The following RHEX variants were observed in gnomAD, a reference collection of about 807,000 sequenced individuals.
RHEX encodes regulator of hemoglobinization and erythroid cell expansion protein.
A neutral mutation model predicts 20.1 loss-of-function variants in RHEX; 18 were observed. The ratio of observed to expected loss-of-function variants is 0.90; its 90% CI spans 0.62 to 1.33. RHEX has a LOEUF of 1.33. RHEX is among the 40% of genes most tolerant of loss of function. The pLI is 0.00. For synonymous variants in RHEX, 87 were observed against 77.1 expected (o/e 1.13, Z -0.67); for missense variants, 192 against 214.3 (o/e 0.90, Z 0.65).
At position 206,067,130 on chromosome 1, in the gene RHEX, T is replaced by C. The variant is rs1231436168; in HGVS notation, c.-97+13865T>C. On this transcript the variant is annotated intron_variant, in intron 1 of 5. Transcript: ENST00000331555. This position sits in a 1 kb window ranked among gnomAD's most constrained non-coding sequence, Gnocchi z 4.6. ...TGGTTTCTGTTTATCTCTTAGAAAGTCTGGTAATAACACAAAGAGGGGGTA... is the reference window on the plus strand; with the variant it reads ...TGGTTTCTGTTTATCTCTTAGAAAGCCTGGTAATAACACAAAGAGGGGGTA... Among the ~76,000 whole-genome samples, 3 of 152,324 alleles carry C rather than the reference T, an allele frequency of 2.0e-5. No homozygotes were observed. In the East Asian group the frequency reaches 5.8e-4, roughly 29 times the overall value.
In RHEX at chr1:206,063,646, G is replaced by C. The variant is rs537662575; in HGVS notation, c.-97+10381G>C. Among the ~76,000 whole-genome samples, 5 of 152,364 alleles carry C rather than the reference G, an allele frequency of 3.3e-5. No individual in the cohort carries two copies. The East Asian group carries it at 9.6e-4, about 29-fold the overall frequency. On this transcript the variant is annotated intron_variant, in intron 1 of 5. Transcript: ENST00000331555. The stretch of plus-strand genomic sequence containing the variant: ...TAACCGTGAGTCATCCGCCAGCCTC[G>C]GCCTCCCGAGGTGCCGGGATTGCAG...
intron 1 of RHEX, among the ~76,000 whole-genome samples, chr1:206,072,420 A>G (rs28496237): frequency 0.038 from 5,836 of 152,094 alleles, 386 homozygotes; most frequent in African/African-American, 0.13. Context: ...CTAAAAATAC[A>G]AAAAAATTAG....
At chr1:206,068,123 TAC>T (rs1662463754) in intron 1 of RHEX, among the ~76,000 whole-genome samples, 1 of 152,228 alleles carries the variant, frequency 6.6e-6, no homozygotes, top group African/African-American at 2.4e-5. Context: ...TTTCCTGCTG[TAC>T]ACCTGTTGGC....
In RHEX at chr1:206,102,093, A is replaced by T; in HGVS notation, c.*141A>T. 1 of 718,080 alleles carries T rather than the reference A, an allele frequency of 1.4e-6. No individual in the cohort carries two copies. Among genetic ancestry groups the T allele is most frequent in the South Asian group, 1.7e-5 (1 of 60,152 alleles). The allele number at this position is 718,080 out of a possible 1,614,324, so 44.5% of individuals were successfully genotyped here. Reference sequence around the variant, plus strand: ...GGCCAAAAAGAATGTGGAGAAGAAAACTGATAAATACACAGAGGTCCTCAA... The same window carrying T: ...GGCCAAAAAGAATGTGGAGAAGAAATCTGATAAATACACAGAGGTCCTCAA... On this transcript the variant is annotated 3_prime_UTR_variant, in exon 6 of 6. Transcript: ENST00000331555.
Position 206,099,031 on chromosome 1 carries a change from T to C in RHEX, c.113-624T>C, listed in dbSNP as rs117962383. ...CTTGCAGGGAGTGAGGCGTGAACTC[T>C]ACCTGCAAAGGCCTGAAGGAGGAAC... On this transcript the variant is annotated intron_variant, in intron 3 of 5. Transcript: ENST00000331555. Among the ~76,000 whole-genome samples, 64 of 152,240 alleles carry C rather than the reference T, an allele frequency of 4.2e-4. No homozygotes were observed. The East Asian group carries it at 0.01, about 25-fold the overall frequency.
At chr1:206,064,262 G>T (rs1269698777) in intron 1 of RHEX, among the ~76,000 whole-genome samples, 1 of 140,084 alleles carries the variant, frequency 7.1e-6, no homozygotes, top group East Asian at 2.2e-4. Context: ...GAGGGAGGTG[G>T]GGGGGGTCAG....
intron 1 of RHEX, among the ~76,000 whole-genome samples, chr1:206,072,618 A>G (rs1332714143): frequency 6.6e-6 from 1 of 152,186 alleles, no homozygotes; most frequent in East Asian, 1.9e-4. Context: ...TTGTAAAAAT[A>G]CCATATTCCC....
At chr1:206,099,555 G>A in intron 3 of RHEX, 100 bp from the exon 4 acceptor site, 1 of 1,106,806 alleles carries the variant, frequency 9.0e-7, no homozygotes. Context: ...GTGACCTCAA[G>A]TGATCCATTT....
chr1:206,063,617 C>A (rs1177273855), intron 1 of RHEX, among the ~76,000 whole-genome samples: 1 of 152,270 alleles, frequency 6.6e-6, no homozygotes, highest in Non-Finnish European at 1.5e-5. Context: ...TGGTCTCCAG[C>A]TCCTAACCGT....
At chr1:206,077,004 CAT>C (rs1227363719) in intron 1 of RHEX, among the ~76,000 whole-genome samples, 4 of 152,218 alleles carry the variant, frequency 2.6e-5, no homozygotes, top group South Asian at 4.1e-4. Context: ...GTGCTCGACA[CAT>C]GTTTGTGGCA....
Position 206,101,938 on chromosome 1 carries a change from C to G in RHEX, c.505C>G (p.Gln169Glu), listed in dbSNP as rs1553288504. The G allele has an allele frequency of 6.2e-7, 1 of 1,612,772 alleles. No homozygotes were observed. The highest frequency in any genetic ancestry group is 8.5e-7 in the Non-Finnish European group (1 of 1,178,986). ...PALSEPAEYD[Q>E]VAM ...TCTGTCTGAGCCAGCGGAATATGAT[C>G]AAGTGGCCATGTGAATTCCAAATAT... The change falls in exon 6 of 6, where the codon CAA becomes GAA. Residue 169 changes from glutamine (Q) to glutamate (E), a missense_variant. Physicochemically the swap from Gln to Glu is conservative, Grantham distance 29. Coordinates refer to ENST00000331555, the MANE Select transcript of RHEX (RefSeq NM_001007544.4).
intron 4 of RHEX, among the ~76,000 whole-genome samples, chr1:206,100,108 A>T (rs1553288217): frequency 6.6e-6 from 1 of 152,010 alleles, no homozygotes; most frequent in African/African-American, 2.4e-5. Flanking sequence ...TTTTCTTCGG[A>T]TTGATCAGCT....
intron 1 of RHEX, among the ~76,000 whole-genome samples, chr1:206,063,808 C>T (rs1449830438): frequency 2.0e-5 from 3 of 151,892 alleles, no homozygotes; most frequent in Admixed American, 6.6e-5. Flanking sequence ...TCTGCCCGGC[C>T]GCCACCCCGT....
intron 1 of RHEX, among the ~76,000 whole-genome samples, chr1:206,091,129 TTC>T (rs1553286973): frequency 2.0e-5 from 3 of 152,224 alleles, no homozygotes; most frequent in African/African-American, 7.2e-5. Flanking sequence ...TAGGTAGCCT[TTC>T]TGTGTCTTAG....
chr1:206,098,314 CT>C, intron 3 of RHEX, 133 bp downstream of exon 3: 1 of 641,646 alleles, frequency 1.6e-6, no homozygotes, highest in Non-Finnish European at 2.8e-6. Context: ...GGCCAAATTC[CT>C]TCCCACCGCT....
intron 1 of RHEX, among the ~76,000 whole-genome samples, chr1:206,083,965 C>T (rs918936605): frequency 6.6e-6 from 1 of 152,210 alleles, no homozygotes; most frequent in African/African-American, 2.4e-5. Context: ...TTGTGAGCCT[C>T]AGTTTCCTCA....
chr1:206,093,459 C>T (rs1396425159), intron 1 of RHEX, among the ~76,000 whole-genome samples: 3 of 151,956 alleles, frequency 2.0e-5, no homozygotes, highest in East Asian at 1.9e-4. Flanking sequence ...TTAGTAGAGA[C>T]GGGGTTTCAC....
intron 1 of RHEX, among the ~76,000 whole-genome samples, chr1:206,071,908 T>C (rs1045676501): frequency 1.3e-5 from 2 of 152,078 alleles, no homozygotes; most frequent in African/African-American, 4.8e-5. Context: ...AACAACTGAT[T>C]GTAACTGATT....
At chr1:206,060,584 ATGGT>A (rs1353877309) in intron 1 of RHEX, 2 of 152,594 alleles carry the variant, frequency 1.3e-5, no homozygotes, top group Non-Finnish European at 2.9e-5. Context: ...GAGGCAGGAG[ATGGT>A]TGGCCACTAA....
Sources: gnomAD v4.1 joint callset for allele counts (sites outside exome capture counted in the v4.1 genomes callset) on GRCh38, gnomAD v4.1.1 for gene constraint, Gnocchi (gnomAD v3.1) non-coding constraint, MANE v1.5 for transcripts, NCBI Gene and HGNC (gene_info 2026-07-23, HGNC 2026-07-21) for gene names.